The following PAK5 variants were observed in gnomAD, a reference collection of about 807,000 sequenced individuals.
The protein encoded by PAK5 is p21 (RAC1) activated kinase 5.
Under a neutral mutation model 65.9 loss-of-function variants are expected in PAK5, and 16 were observed. The observed-to-expected ratio is 0.24, with a 90% CI of 0.16 to 0.37. The LOEUF is 0.37. Among genes scored for constraint, PAK5 ranks in the 10% least tolerant of loss-of-function variants. The pLI is 1.00. For missense variants in PAK5, 785 were observed against 903.9 expected (o/e 0.87, Z 1.69); for synonymous variants, 371 against 354.9 (o/e 1.05, Z -0.51).
chr20:9,709,981 C>A (rs1054094894), intron 2 of PAK5, among the ~76,000 whole-genome samples: 3 of 152,164 alleles, frequency 2.0e-5, no homozygotes, highest in African/African-American at 7.2e-5. Context: ...GTAACCATTG[C>A]TTGAATCCAT....
At chr20:9,573,265 T>A (rs2045823973) in intron 4 of PAK5, among the ~76,000 whole-genome samples, 1 of 152,154 alleles carries the variant, frequency 6.6e-6, no homozygotes, top group South Asian at 2.1e-4. Flanking sequence ...TATAAGGGAA[T>A]AAATAATCCC....
In PAK5 at chr20:9,539,228, A is replaced by G; in HGVS notation, c.*234T>C. 2.3e-6 allele frequency: 1 copy of G among 441,260 alleles called. No individual in the cohort carries two copies. Among genetic ancestry groups the G allele is most frequent in the Non-Finnish European group, 4.1e-6 (1 of 242,000 alleles). 27.3% of individuals were successfully genotyped at this position (441,260 alleles called of 1,614,324 possible). A position where few individuals can be genotyped will look rare whatever the true frequency, so the allele number is the denominator to read the frequency against. ...GCTGGATGAAGGGCTGAAAAATATA[A>G]TAATGACTTATTAAAGCCGTGCTCC... On this transcript the variant is annotated 3_prime_UTR_variant, in exon 10 of 10. Coordinates refer to ENST00000353224, the MANE Select transcript of PAK5 (RefSeq NM_177990.4).
At chr20:9,676,516 G>T (rs1002074489) in intron 2 of PAK5, among the ~76,000 whole-genome samples, 1 of 150,256 alleles carries the variant, frequency 6.7e-6, no homozygotes, top group African/African-American at 2.4e-5. Flanking sequence ...TATTATTGAT[G>T]TCATTTTTTA....
At chr20:9,832,163 A>T (rs2123790233) in intron 1 of PAK5, among the ~76,000 whole-genome samples, 1 of 152,218 alleles carries the variant, frequency 6.6e-6, no homozygotes, top group Non-Finnish European at 1.5e-5. Context: ...ATATATTATA[A>T]TACACAATTT....
chr20:9,802,100 C>T (rs1171738096), intron 1 of PAK5, among the ~76,000 whole-genome samples: 2 of 152,152 alleles, frequency 1.3e-5, no homozygotes, highest in Non-Finnish European at 2.9e-5. Context: ...TTTTAACCGG[C>T]TTTTGTTTCC....
intron 3 of PAK5, among the ~76,000 whole-genome samples, chr20:9,627,998 C>A (rs2046870883): frequency 6.6e-6 from 1 of 152,200 alleles, no homozygotes; most frequent in African/African-American, 2.4e-5. Context: ...ATAAATTATT[C>A]CAAATGGTAT....
intron 1 of PAK5, among the ~76,000 whole-genome samples, chr20:9,824,133 A>G (rs1185250322): frequency 4.6e-5 from 7 of 152,230 alleles, no homozygotes; most frequent in African/African-American, 1.7e-4. Context: ...TTCTATAACC[A>G]AACAAAAAAC....
At chr20:9,771,404 T>TA (rs372717784) in intron 1 of PAK5, among the ~76,000 whole-genome samples, 22 of 149,384 alleles carry the variant, frequency 1.5e-4, no homozygotes, top group Admixed American at 9.4e-4. Flanking sequence ...ATCTATAATT[T>TA]AAAAAAATTT....
At chr20:9,806,979 A>G (rs573614942) in intron 1 of PAK5, among the ~76,000 whole-genome samples, 1 of 152,030 alleles carries the variant, frequency 6.6e-6, no homozygotes, top group African/African-American at 2.4e-5. Flanking sequence ...GTCTACCCAC[A>G]TTCCTTGGCT....
intron 6 of PAK5, among the ~76,000 whole-genome samples, chr20:9,561,998 C>T (rs2045598071): frequency 6.6e-6 from 1 of 152,202 alleles, no homozygotes. Flanking sequence ...TTTATGTGGA[C>T]ACTGAAATTG....
chr20:9,820,336 G>T (rs931366282), intron 1 of PAK5, among the ~76,000 whole-genome samples: 2 of 152,102 alleles, frequency 1.3e-5, no homozygotes, highest in African/African-American at 2.4e-5. Context: ...TATGCAGAAG[G>T]CCTCTCCTAT....
At chr20:9,577,880 A>G (rs958335830) in intron 4 of PAK5, among the ~76,000 whole-genome samples, 2 of 152,126 alleles carry the variant, frequency 1.3e-5, no homozygotes, top group South Asian at 2.1e-4. Flanking sequence ...GTGAGCCACA[A>G]TAGTTTGTGC....
chr20:9,702,028 T>C (rs1000055140), intron 2 of PAK5, among the ~76,000 whole-genome samples: 5 of 152,084 alleles, frequency 3.3e-5, no homozygotes, highest in Admixed American at 2.6e-4. Context: ...TAATAAGTTT[T>C]GCTAGGCTCA....
At chr20:9,620,619 C>T (rs568051155) in intron 3 of PAK5, among the ~76,000 whole-genome samples, 1 of 152,270 alleles carries the variant, frequency 6.6e-6, no homozygotes, top group Admixed American at 6.5e-5. Flanking sequence ...CTGGGAAGAA[C>T]ATGGCTCACA....
At chr20:9,717,890 C>CT in intron 1 of PAK5, among the ~76,000 whole-genome samples, 1 of 152,236 alleles carries the variant, frequency 6.6e-6, no homozygotes, top group Non-Finnish European at 1.5e-5. Context: ...AAAGTGCTGG[C>CT]ATTACAGGTG....
chr20:9,835,215 A>G (rs1361027317), intron 1 of PAK5, among the ~76,000 whole-genome samples: 1 of 152,214 alleles, frequency 6.6e-6, no homozygotes, highest in African/African-American at 2.4e-5. Context: ...CATATAAGAC[A>G]TAAAATAAAT....
At chr20:9,766,243 A>C (rs573219861) in intron 1 of PAK5, among the ~76,000 whole-genome samples, 1 of 42,224 alleles carries the variant, frequency 2.4e-5, no homozygotes. Flanking sequence ...AAAAGAAAAA[A>C]ATATATATAT....
intron 3 of PAK5, among the ~76,000 whole-genome samples, chr20:9,604,470 T>G (rs1444985520): frequency 1.3e-5 from 2 of 152,154 alleles, no homozygotes; most frequent in Non-Finnish European, 2.9e-5. Context: ...TAACAGGAGT[T>G]TGACACAACA....
chr20:9,616,575 G>A (rs1486292462), intron 3 of PAK5, among the ~76,000 whole-genome samples: 3 of 152,192 alleles, frequency 2.0e-5, no homozygotes, highest in African/African-American at 7.2e-5. Flanking sequence ...CTTCAGGGCT[G>A]GGCTGGGGAC....
Sources: allele counts gnomAD v4.1 joint callset (sites outside exome capture counted in the v4.1 genomes callset), GRCh38; gene constraint gnomAD v4.1.1; transcripts MANE v1.5; gene names NCBI Gene and HGNC (gene_info 2026-07-23, HGNC 2026-07-21).